Variants in CEP63 observed in about 807,000 individuals in gnomAD.
CEP63 encodes centrosomal protein 63, also known as centrosomal protein of 63 kDa.
CEP63 carries 84 observed loss-of-function variants against 89.1 expected under a neutral mutation model. The ratio of observed to expected loss-of-function variants is 0.94; its 90% CI spans 0.79 to 1.13. The LOEUF (loss-of-function observed/expected upper bound fraction) is 1.13, where lower values mean the gene tolerates loss of function less well. Ranked by LOEUF, CEP63 falls within the 50% of genes most tolerant of loss-of-function variation. The pLI is 0.00. For synonymous variants in CEP63, 267 were observed against 272.5 expected (o/e 0.98, Z 0.20); for missense variants, 838 against 813.3 (o/e 1.03, Z -0.37).
At chr3:134,567,788 G>A (rs1324885125), downstream of CEP63, among the ~76,000 whole-genome samples, 6 of 152,220 alleles carry the variant, frequency 3.9e-5, no homozygotes, top group African/African-American at 1.4e-4. Context: ...GTTGCAGGCA[G>A]CAAAGGCCAC....
At chr3:134,570,719 T>G (rs1320851383) in intron 11 of CEP63, among the ~76,000 whole-genome samples, 2 of 152,240 alleles carry the variant, frequency 1.3e-5, no homozygotes, top group Non-Finnish European at 1.5e-5. Context: ...CAGGTATCTT[T>G]TCAGCAACAC....
the CEP63 span, chr3:134,608,711 T>C: frequency 2.5e-6 from 4 of 1,613,968 alleles, no homozygotes; most frequent in East Asian, 2.2e-5. Context: ...GAATTCACTC[T>C]TGTGATACAT....
chr3:134,645,874 T>C, the CEP63 span, among the ~76,000 whole-genome samples: 1 of 152,360 alleles, frequency 6.6e-6, no homozygotes, highest in Admixed American at 6.5e-5. Flanking sequence ...GTGATATTTT[T>C]CCACTAAACT....
intron 12 of CEP63, among the ~76,000 whole-genome samples, chr3:134,554,941 T>G (rs1403669306): frequency 6.6e-6 from 1 of 152,150 alleles, no homozygotes; most frequent in African/African-American, 2.4e-5. Context: ...GTTTGTTTTT[T>G]TCTTGTAAAT....
the CEP63 span, chr3:134,620,685 G>T: frequency 8.7e-7 from 1 of 1,146,934 alleles, no homozygotes; most frequent in Non-Finnish European, 1.3e-6. Flanking sequence ...GCTGATAGGA[G>T]CAGAGGCCTG....
intron 10 of CEP63, among the ~76,000 whole-genome samples, chr3:134,586,454 C>T (rs1224662100): frequency 6.6e-6 from 1 of 152,120 alleles, no homozygotes; most frequent in African/African-American, 2.4e-5. Flanking sequence ...ACTTATGAAG[C>T]TTAGTTTGGC....
chr3:134,577,018 T>A (rs991471947), downstream of CEP63, among the ~76,000 whole-genome samples: 3 of 152,164 alleles, frequency 2.0e-5, no homozygotes, highest in Non-Finnish European at 4.4e-5. Flanking sequence ...CTGCTCACAC[T>A]AGTGTTGGCG....
chr3:134,764,854 A>G, the CEP63 span, among the ~76,000 whole-genome samples: 1 of 152,198 alleles, frequency 6.6e-6, no homozygotes, highest in Admixed American at 6.5e-5. Flanking sequence ...AGGAGAGTAA[A>G]CCATCCCCAA....
chr3:134,701,268 A>G, the CEP63 span, among the ~76,000 whole-genome samples: 1 of 77,480 alleles, frequency 1.3e-5, no homozygotes, highest in African/African-American at 5.4e-5. Context: ...ACATATATAC[A>G]TATACACACA....
chr3:134,609,723 A>G, the CEP63 span, among the ~76,000 whole-genome samples: 1 of 152,060 alleles, frequency 6.6e-6, no homozygotes, highest in Non-Finnish European at 1.5e-5. Context: ...CTTCCCCAAA[A>G]ACCACAGCCC....
rs752514586 is a variant in CEP63 at position 134,507,164 on chromosome 3, A to C, written c.100A>C (p.Ile34Leu). 3.1e-6 allele frequency: 5 copies of C among 1,613,718 alleles called. No homozygotes were observed. Among genetic ancestry groups the C allele is most frequent in the Non-Finnish European group, 4.2e-6 (5 of 1,179,868 alleles). ...ACAGGAGCTCATGAAACAGATTGAC[A>C]TAATGGTGGCTCATAAAAAATCTGA... ...ELQELMKQID[I>L]MVAHKKSEWE... The change falls in exon 3 of 15, where the codon ATA becomes CTA. Residue 34 changes from isoleucine to leucine, a missense_variant. Coordinates refer to ENST00000675561, the MANE Select transcript of CEP63 (RefSeq NM_001353108.3).
At chr3:134,583,395 T>C (rs1958408917) in intron 10 of CEP63, among the ~76,000 whole-genome samples, 1 of 152,218 alleles carries the variant, frequency 6.6e-6, no homozygotes, top group Non-Finnish European at 1.5e-5. Context: ...GCTTTCTACA[T>C]ATGGCTAGCC....
intron 10 of CEP63, among the ~76,000 whole-genome samples, chr3:134,582,267 T>C (rs1194864069): frequency 6.6e-6 from 1 of 152,138 alleles, no homozygotes; most frequent in African/African-American, 2.4e-5. Context: ...GCCATGTTGG[T>C]TTGCTGCACC....
downstream of CEP63, among the ~76,000 whole-genome samples, chr3:134,568,751 T>G (rs1263370340): frequency 1.3e-5 from 2 of 152,246 alleles, no homozygotes; most frequent in African/African-American, 4.8e-5. Flanking sequence ...TTCCAGACGC[T>G]TCCCCAGGCA....
chr3:134,629,300 G>T, the CEP63 span: 1 of 326,218 alleles, frequency 3.1e-6, no homozygotes, highest in East Asian at 5.5e-5. Flanking sequence ...AAAGTACTTA[G>T]CATTTTGCAT....
chr3:134,699,406 C>T, the CEP63 span, among the ~76,000 whole-genome samples: 2 of 152,152 alleles, frequency 1.3e-5, no homozygotes, highest in African/African-American at 4.8e-5. Flanking sequence ...AAAGAGAGTG[C>T]GCTATCCAAG....
intron 3 of CEP63, among the ~76,000 whole-genome samples, chr3:134,529,335 T>C (rs1272529979): frequency 1.6e-5 from 2 of 123,752 alleles, no homozygotes; most frequent in Non-Finnish European, 3.2e-5. Context: ...CAAATCCCCA[T>C]TGACTTTTTT....
At chr3:134,605,535 G>A in the CEP63 span, among the ~76,000 whole-genome samples, 2 of 152,142 alleles carry the variant, frequency 1.3e-5, no homozygotes, top group Non-Finnish European at 2.9e-5. Context: ...AATGGGAGAA[G>A]ACCACATGGG....
At chr3:134,528,921 A>G (rs1949296801) in intron 3 of CEP63, among the ~76,000 whole-genome samples, 2 of 152,200 alleles carry the variant, frequency 1.3e-5, no homozygotes, top group Admixed American at 1.3e-4. Context: ...TATCAAAGCA[A>G]AGTAGGTGGG....
Sources: allele counts gnomAD v4.1 joint callset (sites outside exome capture counted in the v4.1 genomes callset), GRCh38; gene constraint gnomAD v4.1.1; transcripts MANE v1.5; gene names NCBI Gene and HGNC (gene_info 2026-07-23, HGNC 2026-07-21).